The following MST1R variants were observed in gnomAD, a reference collection of about 807,000 sequenced individuals.
MST1R encodes the protein macrophage stimulating 1 receptor, also known as macrophage-stimulating protein receptor.
Under a neutral mutation model 117.8 loss-of-function variants are expected in MST1R, and 99 were observed. The ratio of observed to expected loss-of-function variants is 0.84; its 90% CI spans 0.71 to 0.99. The LOEUF is 0.99. Among genes scored for constraint, MST1R ranks in the 50% least tolerant of loss-of-function variants. MST1R has a pLI of 0.00. For missense variants in MST1R, 1,683 were observed against 1,840.2 expected (o/e 0.91, Z 1.56); for synonymous variants, 734 against 765.3 (o/e 0.96, Z 0.68).
rs150284041 is a variant in MST1R at position 49,895,758 on chromosome 3, C to T, written c.2919G>A (p.Ala973=). 1.7e-5 allele frequency: 27 copies of T among 1,613,256 alleles called. No homozygotes were observed. Among genetic ancestry groups the T allele is most frequent in the African/African-American group, 4.0e-5 (3 of 74,868 alleles). Residue 973 remains alanine (A), a synonymous_variant, in exon 12 of 20, where the codon GCG becomes GCA. Coordinates refer to ENST00000296474, the MANE Select transcript of MST1R (RefSeq NM_002447.4). The part of the protein sequence containing the change: ...LPLLLLVAAL[A]TALVFSYWWR... Reference sequence around the variant, plus strand: ...ACCAGTAGCTGAAGACCAGTGCAGTCGCCAGTGCAGCCACAAGCAGCAGCA... The same window carrying T: ...ACCAGTAGCTGAAGACCAGTGCAGTTGCCAGTGCAGCCACAAGCAGCAGCA...
At position 49,903,655 on chromosome 3, in the gene MST1R, G is replaced by A; in HGVS notation, c.-46C>T. 1 of 1,520,674 alleles carries A rather than the reference G, an allele frequency of 6.6e-7. No individual in the cohort carries two copies. The highest frequency in any genetic ancestry group is 8.8e-7 in the Non-Finnish European group (1 of 1,142,768). The allele number at this position is 1,520,674 out of a possible 1,614,324, so 94.2% of individuals were successfully genotyped here. A position where few individuals can be genotyped will look rare whatever the true frequency, so the allele number is the denominator to read the frequency against. ...GAGGATCCCTACCGGCCTGGGCCTG[G>A]ACCTGGGCGTGGGCCTGGCTGGGGG... On this transcript the variant is annotated 5_prime_UTR_variant, in exon 1 of 20. Coordinates refer to ENST00000296474, the MANE Select transcript of MST1R (RefSeq NM_002447.4).
At position 49,902,851 on chromosome 3, in the gene MST1R, G is replaced by A. The variant is rs769200578; in HGVS notation, c.759C>T (p.Phe253=). The part of the protein sequence containing the change: ...VSYSIEYVHS[F]HTGAFVYFLT... ...GGAAGTATACGAAGGCTCCCGTGTG[G>A]AAGCTGTGCACGTATTCAATACTGT... The change falls in exon 1 of 20, where the codon TTC becomes TTT. Residue 253 remains phenylalanine (F), a synonymous_variant. Coordinates refer to ENST00000296474, the MANE Select transcript of MST1R (RefSeq NM_002447.4). 5 of 1,613,672 alleles carry A rather than the reference G, an allele frequency of 3.1e-6. No homozygotes were observed. The Admixed American group carries it at 5.0e-5, about 16-fold the overall frequency.
chr3:49,888,435 CA>C (rs35017850), intron 19 of MST1R, among the ~76,000 whole-genome samples: 159 of 105,598 alleles, frequency 1.5e-3, no homozygotes, highest in Admixed American at 1.8e-3. Context: ...GACTCCATCT[CA>C]AAAAAAAAAA....
In MST1R at chr3:49,899,070, C is replaced by A. The variant is rs753529826; in HGVS notation, c.1419+5G>T. 1 of 1,614,106 alleles carries A rather than the reference C, an allele frequency of 6.2e-7. No individual in the cohort carries two copies. Among genetic ancestry groups the A allele is most frequent in the Middle Eastern group, 1.6e-4 (1 of 6,062 alleles). The stretch of plus-strand genomic sequence containing the variant: ...GGCTAGGGGACTGTGGGGATGAGGA[C>A]CCACCTGCAGGATACGCCCATCCAT... On this transcript the variant is annotated splice_donor_5th_base_variant and intron_variant, in intron 2 of 19. Coordinates refer to ENST00000296474, the MANE Select transcript of MST1R (RefSeq NM_002447.4).
chr3:49,894,102 C>T (rs1479625758), intron 14 of MST1R, among the ~76,000 whole-genome samples: 1 of 150,778 alleles, frequency 6.6e-6, no homozygotes, highest in Non-Finnish European at 1.5e-5. Flanking sequence ...GTAATCCTAG[C>T]TACTCAGGAA....
At chr3:49,901,512 G>A (rs2082675739) in intron 1 of MST1R, among the ~76,000 whole-genome samples, 3 of 152,076 alleles carry the variant, frequency 2.0e-5, no homozygotes, top group Non-Finnish European at 4.4e-5. Flanking sequence ...AGTCTGGGAT[G>A]GACCAATTCC....
At chr3:49,894,127 A>C (rs1459281807) in intron 14 of MST1R, among the ~76,000 whole-genome samples, 4 of 151,528 alleles carry the variant, frequency 2.6e-5, no homozygotes, top group African/African-American at 4.8e-5. Context: ...AGACAGGAGA[A>C]TCACTTGAAC....
rs1370166178 is a variant in MST1R, at chr3:49,891,433, C to G, written c.3500G>C (p.Gly1167Ala). 6.2e-7 allele frequency: 1 copy of G among 1,613,916 alleles called. No homozygotes were observed. The highest frequency in any genetic ancestry group is 1.3e-5 in the African/African-American group (1 of 74,940). The change falls in exon 16 of 20, where the codon GGT becomes GCT. Residue 1167 changes from glycine (G) to alanine (A), a missense_variant. Coordinates refer to ENST00000296474, the MANE Select transcript of MST1R (RefSeq NM_002447.4). The part of the protein sequence containing the change: ...PHVLLPYMCH[G>A]DLLQFIRSPQ... ...TGAGCGGATGAACTGGAGCAGGTCA[C>G]CGTGGCACATATAGGGCAGCAGCAC...
rs149702837 is a variant in MST1R, at chr3:49,899,115, G to A, written c.1379C>T (p.Thr460Ile). Residue 460 changes from threonine to isoleucine, a missense_variant, in exon 2 of 20, where the codon ACA becomes ATA. Physicochemically the swap from Thr to Ile is moderately conservative, Grantham distance 89 (BLOSUM62 -1). Transcript: ENST00000296474. Reference protein sequence around the residue: ...ALYVTRLDNVTVAHMGTMDGR... With the variant: ...ALYVTRLDNVIVAHMGTMDGR... ...ATCCATTGTGCCCATGTGTGCCACT[G>A]TGACGTTGTCAAGGCGTGTCACATA... The A allele has an allele frequency of 2.5e-6, 4 of 1,614,160 alleles. No homozygotes were observed. The highest frequency in any genetic ancestry group is 1.1e-5 in the South Asian group (1 of 91,088).
In MST1R at chr3:49,903,170, T is replaced by A. The variant is rs973524669; in HGVS notation, c.440A>T (p.Asp147Val). ...SSLQGRCFLHDLEPQGTAVHL... is the reference protein window; with the variant it reads ...SSLQGRCFLHVLEPQGTAVHL... ...CACGGCTGTCCCTTGGGGCTCTAGG[T>A]CATGCAGGAAGCAGCGGCCCTGCAG... Residue 147 changes from aspartate (D) to valine (V), a missense_variant, in exon 1 of 20, where the codon GAC (aspartate) becomes GTC (valine). Physicochemically the swap from Asp to Val is radical, Grantham distance 152. Transcript: ENST00000296474. 6.2e-7 allele frequency: 1 copy of A among 1,604,980 alleles called. No homozygotes were observed. Among genetic ancestry groups the A allele is most frequent in the Non-Finnish European group, 8.5e-7 (1 of 1,179,978 alleles).
chr3:49,896,446 CT>C, intron 9 of MST1R, 42 bp from the exon 10 acceptor site: 1 of 1,606,372 alleles, frequency 6.2e-7, no homozygotes, highest in Non-Finnish European at 8.5e-7. Context: ...GGAACCCCAC[CT>C]GTGATTGCTC....
rs747019700 is a variant in MST1R at position 49,896,787 on chromosome 3, T to C, written c.2287A>G (p.Thr763Ala). 1 of 1,568,426 alleles carries C rather than the reference T, an allele frequency of 6.4e-7. No individual in the cohort carries two copies. The highest frequency in any genetic ancestry group is 8.7e-7 in the Non-Finnish European group (1 of 1,155,438). ...VGGAQVPGSWTFQYREDPVVL... is the reference protein window; with the variant it reads ...VGGAQVPGSWAFQYREDPVVL... ...ACAGGGTCTTCTCTGTACTGGAAGG[T>C]CCAGGAACCAGGTACCTGGGCACCC... Residue 763 changes from threonine (T) to alanine (A), a missense_variant, in exon 8 of 20, where the codon ACC becomes GCC. Coordinates refer to ENST00000296474, the MANE Select transcript of MST1R (RefSeq NM_002447.4).
intron 4 of MST1R, 26 bp from the exon 5 acceptor site, chr3:49,898,237 C>G (rs2082549431): frequency 6.2e-7 from 1 of 1,612,296 alleles, no homozygotes; most frequent in African/African-American, 1.3e-5. Flanking sequence ...CAGCCTGAGT[C>G]CTCATGTGGG....
intron 14 of MST1R, among the ~76,000 whole-genome samples, chr3:49,893,665 T>C (rs1165181926): frequency 4.7e-5 from 7 of 149,050 alleles, no homozygotes; most frequent in Admixed American, 2.7e-4. Context: ...TTTGGGAGGC[T>C]GAGGCGGGTG....
rs2082706859 is a variant in MST1R at position 49,902,346 on chromosome 3, A to C, written c.1230+34T>G. The C allele has an allele frequency of 2.5e-6, 4 of 1,596,144 alleles. No individual in the cohort carries two copies. The East Asian group carries it at 8.9e-5, about 36-fold the overall frequency. Reference sequence around the variant, plus strand: ...AGCCTGTGTTCAGCCATGTGCATGCAGCTCACAAGTAAGGGCCCCTTCTTT... The same window carrying C: ...AGCCTGTGTTCAGCCATGTGCATGCCGCTCACAAGTAAGGGCCCCTTCTTT... On this transcript the variant is annotated intron_variant, in intron 1 of 19. Coordinates refer to ENST00000296474, the MANE Select transcript of MST1R (RefSeq NM_002447.4).
In MST1R at chr3:49,898,155, G is replaced by C; in HGVS notation, c.1776C>G (p.Ser592=). 1.2e-6 allele frequency: 2 copies of C among 1,614,048 alleles called. No homozygotes were observed. The highest frequency in any genetic ancestry group is 1.7e-6 in the Non-Finnish European group (2 of 1,180,030). Residue 592 remains serine, a synonymous_variant, in exon 5 of 20, where the codon TCC becomes TCG. Transcript: ENST00000296474. ...GACCAGAAGGGTGAAGGTAGAAGTT[G>C]GAGCCACACAGGGTCAGCCTTGTAC... ...RGSTRLTLCG[S]NFYLHPSGLV... is the part of the protein sequence containing the mutation.
chr3:49,891,131 G>T, intron 17 of MST1R, 66 bp downstream of exon 17: 1 of 1,432,518 alleles, frequency 7.0e-7, no homozygotes, highest in Non-Finnish European at 9.8e-7. Flanking sequence ...CCCTGAGGCG[G>T]CCTTGAGCAC....
At chr3:49,902,335 C>T (rs2082706276) in intron 1 of MST1R, 45 bp downstream of exon 1, 1 of 1,585,952 alleles carries the variant, frequency 6.3e-7, no homozygotes, top group Middle Eastern at 1.7e-4. Context: ...TGTGTTCAGC[C>T]ATGTGCATGC....
Position 49,895,355 on chromosome 3 carries a change from C to T in MST1R, c.3083G>A (p.Gly1028Asp), listed in dbSNP as rs748925359. 8.7e-6 allele frequency: 14 copies of T among 1,614,082 alleles called. No homozygotes were observed. The highest frequency in any genetic ancestry group is 1.3e-5 in the African/African-American group (1 of 74,932). ...ATGGACACAAGTGGTGGAATCCAGA[C>T]CATCAATGGCAGGGAGTGCTGTGGG... ...RSGLALPAID[G>D]LDSTTCVHGA... The change falls in exon 14 of 20, where the codon GGT (glycine) becomes GAT (aspartate). Residue 1028 changes from glycine (G) to aspartate (D), a missense_variant. Coordinates refer to ENST00000296474, the MANE Select transcript of MST1R (RefSeq NM_002447.4).
Sources: allele counts gnomAD v4.1 joint callset (sites outside exome capture counted in the v4.1 genomes callset), GRCh38; gene constraint gnomAD v4.1.1; transcripts MANE v1.5; gene names NCBI Gene and HGNC (gene_info 2026-07-23, HGNC 2026-07-21).